The following ATP2B4 variants were observed in gnomAD, a reference collection of about 807,000 sequenced individuals.
The protein encoded by ATP2B4 is ATPase plasma membrane Ca2+ transporting 4.
ATP2B4 carries 39 observed loss-of-function variants against 110.3 expected under a neutral mutation model. That is an observed-to-expected ratio of 0.35 (90% CI 0.27 to 0.46). The LOEUF is 0.46. Ranked by LOEUF, ATP2B4 falls within the 20% of genes least tolerant of loss-of-function variation. The pLI, the probability that ATP2B4 is intolerant of heterozygous loss-of-function variation, is 1.00. For synonymous variants in ATP2B4, 538 were observed against 571.7 expected (o/e 0.94, Z 0.84); for missense variants, 1,135 against 1,530.9 (o/e 0.74, Z 4.32).
At chr1:203,725,730 A>G (rs1666488436) in intron 19 of ATP2B4, among the ~76,000 whole-genome samples, 1 of 151,950 alleles carries the variant, frequency 6.6e-6, no homozygotes, top group African/African-American at 2.4e-5. Flanking sequence ...TACAGACCCC[A>G]GGTCTCTGCA....
intron 1 of ATP2B4, among the ~76,000 whole-genome samples, chr1:203,636,082 C>T (rs1663428883): frequency 6.6e-6 from 1 of 152,220 alleles, no homozygotes; most frequent in Non-Finnish European, 1.5e-5. Context: ...GAGTCACCCA[C>T]CTAACTTTTG....
intron 2 of ATP2B4, among the ~76,000 whole-genome samples, chr1:203,690,119 T>C (rs1226890877): frequency 6.6e-6 from 1 of 152,226 alleles, no homozygotes; most frequent in Non-Finnish European, 1.5e-5. Flanking sequence ...ATTACAATTT[T>C]GTTTTATTAG....
At chr1:203,720,249 G>C (rs982725422) in intron 15 of ATP2B4, among the ~76,000 whole-genome samples, 1 of 152,202 alleles carries the variant, frequency 6.6e-6, no homozygotes, top group Non-Finnish European at 1.5e-5. Context: ...AGGTAGAATA[G>C]ACAGGATTTG....
chr1:203,728,865 A>C (rs977901189), intron 20 of ATP2B4, among the ~76,000 whole-genome samples: 1 of 149,984 alleles, frequency 6.7e-6, no homozygotes, highest in African/African-American at 2.5e-5. Context: ...CTCACAAAAA[A>C]AAAAAGACTG....
chr1:203,670,792 C>T (rs1357312982), intron 1 of ATP2B4, among the ~76,000 whole-genome samples: 3 of 152,226 alleles, frequency 2.0e-5, no homozygotes, highest in Non-Finnish European at 4.4e-5. Flanking sequence ...TCAGTTAGGA[C>T]TTTAACCTCT....
At chr1:203,659,970 T>A (rs58279220) in intron 1 of ATP2B4, among the ~76,000 whole-genome samples, 1,700 of 151,594 alleles carry the variant, frequency 0.011, 20 homozygotes, top group African/African-American at 0.034. Flanking sequence ...TAATCTCAGC[T>A]ACTCGGGAGG....
chr1:203,683,367 C>A lies in ATP2B4; in HGVS notation c.162C>A (p.Leu54=). Reference sequence around the variant, plus strand: ...TCCACTATGGAGGTGTACAGAATCTCTGCAGTAGACTGAAAACCTCCCCTG... The same window carrying A: ...TCCACTATGGAGGTGTACAGAATCTATGCAGTAGACTGAAAACCTCCCCTG... ...INVHYGGVQN[L]CSRLKTSPVE... is the part of the protein sequence containing the mutation. Residue 54 remains leucine (L), a synonymous_variant, in exon 2 of 21, where the codon CTC becomes CTA. Transcript: ENST00000357681. 1 of 1,612,950 alleles carries A rather than the reference C, an allele frequency of 6.2e-7. No homozygotes were observed. Among genetic ancestry groups the A allele is most frequent in the Non-Finnish European group, 8.5e-7 (1 of 1,179,344 alleles).
intron 18 of ATP2B4, among the ~76,000 whole-genome samples, chr1:203,723,575 G>A (rs921486670): frequency 6.6e-6 from 1 of 150,996 alleles, no homozygotes; most frequent in African/African-American, 2.4e-5. Context: ...CTCCATCACT[G>A]TACCTTCTCC....
intron 10 of ATP2B4, among the ~76,000 whole-genome samples, chr1:203,708,571 A>G (rs756094401): frequency 9.9e-5 from 15 of 152,182 alleles, no homozygotes; most frequent in Non-Finnish European, 2.2e-4. Context: ...CTTGAAAAAC[A>G]ACAGGCTAGG....
intron 1 of ATP2B4, among the ~76,000 whole-genome samples, chr1:203,678,507 G>T (rs1664897698): frequency 6.8e-6 from 1 of 147,104 alleles, no homozygotes; most frequent in African/African-American, 2.5e-5. Context: ...AGGCTCAAAT[G>T]ACCCTCCCAC....
intron 1 of ATP2B4, among the ~76,000 whole-genome samples, chr1:203,669,716 C>T (rs1664605087): frequency 6.6e-6 from 1 of 152,170 alleles, no homozygotes; most frequent in Non-Finnish European, 1.5e-5. Context: ...GGATTACAGG[C>T]GTGAGCCACC....
At position 203,742,330 on chromosome 1, in the gene ATP2B4, T is replaced by G. The variant is rs889489946; in HGVS notation, c.*2476T>G. 1.3e-5 allele frequency: 2 copies of G among 152,616 alleles called. No individual in the cohort carries two copies. Among genetic ancestry groups the G allele is most frequent in the African/African-American group, 4.8e-5 (2 of 41,442 alleles). The allele number at this position is 152,616 out of a possible 1,614,324, so 9.5% of individuals were successfully genotyped here. A position where few individuals can be genotyped will look rare whatever the true frequency, so the allele number is the denominator to read the frequency against. ...TACTTAGGGAAGAAAAATTGTTGGG[T>G]TCTAGACTTTTTTAATATAAATTTT... On this transcript the variant is annotated 3_prime_UTR_variant, in exon 21 of 21. Coordinates refer to ENST00000357681, the MANE Select transcript of ATP2B4 (RefSeq NM_001684.5).
rs375506047 is a variant in ATP2B4, at chr1:203,727,216, C to G, written c.3133-179C>G. On this transcript the variant is annotated intron_variant, in intron 19 of 20. Coordinates refer to ENST00000357681, the MANE Select transcript of ATP2B4 (RefSeq NM_001684.5). Reference sequence around the variant, plus strand: ...GAAAACCTTCCTAAAAGCCTGACCGCTGGTGGGCACTTGGAGAATGCTTGC... The same window carrying G: ...GAAAACCTTCCTAAAAGCCTGACCGGTGGTGGGCACTTGGAGAATGCTTGC... 6.6e-5 allele frequency among the ~76,000 whole-genome samples: 10 copies of G among 152,308 alleles called. No homozygotes were observed. The East Asian group carries it at 1.5e-3, about 24-fold the overall frequency.
chr1:203,710,879 G>T lies in ATP2B4; in HGVS notation c.1802G>T (p.Cys601Phe), dbSNP rs892592392. 20 of 1,610,204 alleles carry T rather than the reference G, an allele frequency of 1.2e-5. No homozygotes were observed. The highest frequency in any genetic ancestry group is 1.6e-5 in the Non-Finnish European group (19 of 1,177,294). Residue 601 changes from cysteine (C) to phenylalanine (F), a missense_variant and splice_region_variant, in exon 12 of 21, where the codon TGT becomes TTT. Around this residue, in one of 9 missense-constraint regions of ATP2B4, gnomAD observed 368 missense variants for 455.9 expected, o/e 0.81. Coordinates refer to ENST00000357681, the MANE Select transcript of ATP2B4 (RefSeq NM_001684.5). ...KGASEIILRK[C>F]NRILDRKGEA... ...GTTCTTACTGTGCGCCTCCCCAGGT[G>T]TAATCGAATCCTGGACCGGAAAGGG... is the stretch of plus-strand genomic sequence containing the variant.
intron 19 of ATP2B4, among the ~76,000 whole-genome samples, chr1:203,726,212 T>A (rs1406469986): frequency 2.6e-5 from 4 of 151,974 alleles, no homozygotes. Flanking sequence ...CCAGCCTGGA[T>A]GACAAGAGTG....
At chr1:203,652,164 A>G (rs1413377451) in intron 1 of ATP2B4, among the ~76,000 whole-genome samples, 3 of 137,534 alleles carry the variant, frequency 2.2e-5, no homozygotes, top group Non-Finnish European at 3.1e-5. Context: ...TTTTTTTCTG[A>G]CACAGAGTCT....
chr1:203,721,420 T>C lies in ATP2B4; in HGVS notation c.2812+10T>C. ...ATCCTTGTCTTTGCGGGTGAGCCACTTTGGGGGTGGGTAGCAGCTGGGGTC... is the reference window on the plus strand; with the variant it reads ...ATCCTTGTCTTTGCGGGTGAGCCACCTTGGGGGTGGGTAGCAGCTGGGGTC... On this transcript the variant is annotated intron_variant, in intron 17 of 20. Coordinates refer to ENST00000357681, the MANE Select transcript of ATP2B4 (RefSeq NM_001684.5). The C allele has an allele frequency of 6.2e-7, 1 of 1,613,178 alleles. No homozygotes were observed. Among genetic ancestry groups the C allele is most frequent in the Non-Finnish European group, 8.5e-7 (1 of 1,179,344 alleles).
At chr1:203,660,047 A>G (rs1421092270) in intron 1 of ATP2B4, among the ~76,000 whole-genome samples, 2 of 150,460 alleles carry the variant, frequency 1.3e-5, no homozygotes, top group Admixed American at 1.3e-4. Context: ...GTGCCACTGC[A>G]CTCCAGCCTG....
Position 203,714,275 on chromosome 1 carries a change from A to T in ATP2B4, c.2404A>T (p.Met802Leu). 6.2e-7 allele frequency: 1 copy of T among 1,614,098 alleles called. No individual in the cohort carries two copies. Among genetic ancestry groups the T allele is most frequent in the African/African-American group, 1.3e-5 (1 of 75,026 alleles). ...GAAGAAAGCGGATGTTGGTTTTGCC[A>T]TGGTAAGCTCAGCACAGTGTCTCTC... ...ALKKADVGFA[M>L]GIAGTDVAKE... The change falls in exon 15 of 21, where the codon ATG becomes TTG. Residue 802 changes from methionine (M) to leucine (L), a missense_variant and splice_region_variant. Met to Leu is a conservative substitution (Grantham distance 15). Transcript: ENST00000357681.
Sources: allele counts gnomAD v4.1 joint callset (sites outside exome capture counted in the v4.1 genomes callset), GRCh38; gene constraint gnomAD v4.1.1; regional missense constraint gnomAD v4.1.1; transcripts MANE v1.5; gene names NCBI Gene and HGNC (gene_info 2026-07-23, HGNC 2026-07-21).